Variants in RAF1 observed in about 807,000 individuals in gnomAD.
The protein encoded by RAF1 is Raf-1 proto-oncogene, serine/threonine kinase.
Under a neutral mutation model 81.1 loss-of-function variants are expected in RAF1, and 27 were observed. That is an observed-to-expected ratio of 0.33 (90% CI 0.25 to 0.46). RAF1 has a LOEUF of 0.46. Among genes scored for constraint, RAF1 ranks in the 20% least tolerant of loss-of-function variants. The pLI, the probability that RAF1 is intolerant of heterozygous loss-of-function variation, is 1.00. For synonymous variants in RAF1, 298 were observed against 294.0 expected, an observed-to-expected ratio of 1.01 and a Z score of -0.14; for missense variants, 598 against 826.0, an observed-to-expected ratio of 0.72 and a Z score of 3.38.
intron 1 of RAF1, among the ~76,000 whole-genome samples, chr3:12,650,787 G>A (rs548335917): frequency 6.6e-6 from 1 of 152,288 alleles, no homozygotes; most frequent in East Asian, 1.9e-4. Flanking sequence ...AGGAAGACAA[G>A]TAGGCCTACA....
chr3:12,611,563 G>A (rs973564945), intron 3 of RAF1, among the ~76,000 whole-genome samples: 23 of 152,122 alleles, frequency 1.5e-4, no homozygotes, highest in Non-Finnish European at 2.9e-4. Context: ...AGCCGGGCGC[G>A]GTGGTGGGCG....
chr3:12,632,711 C>A (rs1380591443), intron 1 of RAF1, among the ~76,000 whole-genome samples: 2 of 152,204 alleles, frequency 1.3e-5, no homozygotes, highest in African/African-American at 4.8e-5. Context: ...TCTTGAAACT[C>A]TCTAAAACTC....
At chr3:12,604,702 G>C (rs1336398470) in intron 6 of RAF1, among the ~76,000 whole-genome samples, 1 of 152,166 alleles carries the variant, frequency 6.6e-6, no homozygotes, top group Non-Finnish European at 1.5e-5. Context: ...CAGATAAGTA[G>C]ACGTGCTGAG....
At chr3:12,605,587 A>G (rs2059001736) in intron 6 of RAF1, among the ~76,000 whole-genome samples, 2 of 152,076 alleles carry the variant, frequency 1.3e-5, no homozygotes, top group Admixed American at 6.6e-5. Context: ...CTAAAGTAAG[A>G]TATTTTGGAT....
chr3:12,619,128 C>T (rs2059470655), intron 1 of RAF1, among the ~76,000 whole-genome samples: 1 of 152,070 alleles, frequency 6.6e-6, no homozygotes, highest in African/African-American at 2.4e-5. Context: ...GCCTGTAGTC[C>T]CAGCTACTCG....
At chr3:12,616,553 T>A (rs1209659945) in intron 2 of RAF1, among the ~76,000 whole-genome samples, 5 of 152,226 alleles carry the variant, frequency 3.3e-5, no homozygotes, top group African/African-American at 1.2e-4. Context: ...CAAACTTTAA[T>A]TAAAGTTAGA....
chr3:12,610,464 GTAGC>G (rs1352105445), intron 3 of RAF1, among the ~76,000 whole-genome samples: 2 of 152,198 alleles, frequency 1.3e-5, no homozygotes, highest in African/African-American at 4.8e-5. Context: ...AGACTCCAGA[GTAGC>G]TCCAAACCAG....
chr3:12,590,697 A>T (rs541785106), intron 13 of RAF1, 101 bp downstream of exon 12: 1 of 1,317,812 alleles, frequency 7.6e-7, no homozygotes. Context: ...AAGATATCAC[A>T]GAATCGCTTA....
chr3:12,597,769 G>A (rs563628564), intron 11 of RAF1, among the ~76,000 whole-genome samples: 6 of 151,850 alleles, frequency 4.0e-5, no homozygotes, highest in Admixed American at 3.3e-4. Flanking sequence ...ACAAAAATTA[G>A]CCGGGTGTGG....
intron 1 of RAF1, among the ~76,000 whole-genome samples, chr3:12,647,558 C>T: frequency 6.6e-6 from 1 of 152,070 alleles, no homozygotes; most frequent in Admixed American, 6.6e-5. Context: ...TGTGCCACTG[C>T]ATTCCAGCCT....
At chr3:12,628,600 A>G (rs1445541162) in intron 1 of RAF1, among the ~76,000 whole-genome samples, 1 of 152,066 alleles carries the variant, frequency 6.6e-6, no homozygotes, top group Non-Finnish European at 1.5e-5. Flanking sequence ...AAATCTCAGT[A>G]TATTATACTA....
At chr3:12,616,513 T>C (rs1405411976) in intron 2 of RAF1, among the ~76,000 whole-genome samples, 1 of 152,196 alleles carries the variant, frequency 6.6e-6, no homozygotes, top group Non-Finnish European at 1.5e-5. Flanking sequence ...AATTTTCATT[T>C]TTAGGAAGAG....
intron 13 of RAF1, 168 bp downstream of exon 12, chr3:12,590,630 C>A: frequency 1.3e-6 from 1 of 784,924 alleles, no homozygotes; most frequent in South Asian, 1.6e-5. Context: ...CCAGCTGGAA[C>A]CTGAACAACT....
At chr3:12,641,681 A>G (rs2060191936) in intron 1 of RAF1, among the ~76,000 whole-genome samples, 1 of 151,812 alleles carries the variant, frequency 6.6e-6, no homozygotes, top group Admixed American at 6.6e-5. Context: ...TCATAGAGAC[A>G]GGGTTTCACC....
At chr3:12,619,960 T>A (rs1402518713) in intron 1 of RAF1, among the ~76,000 whole-genome samples, 1 of 151,946 alleles carries the variant, frequency 6.6e-6, no homozygotes, top group Non-Finnish European at 1.5e-5. Context: ...CGGGCGCCTG[T>A]AGTCCCAGCT....
At chr3:12,598,097 C>A (rs11711270) in intron 11 of RAF1, among the ~76,000 whole-genome samples, 3 of 148,468 alleles carry the variant, frequency 2.0e-5, no homozygotes, top group East Asian at 4.0e-4. Context: ...GAGCTCACTA[C>A]AACATTCGCC....
intron 2 of RAF1, among the ~76,000 whole-genome samples, chr3:12,615,079 T>C (rs886300155): frequency 1.3e-5 from 2 of 152,202 alleles, no homozygotes; most frequent in African/African-American, 4.8e-5. Flanking sequence ...AAAATATAGA[T>C]TCCATCTACC....
At chr3:12,620,531 C>T (rs2059525079) in intron 1 of RAF1, among the ~76,000 whole-genome samples, 1 of 152,164 alleles carries the variant, frequency 6.6e-6, no homozygotes, top group Non-Finnish European at 1.5e-5. Context: ...GGTGCAGTGA[C>T]ATGATCACAG....
intron 1 of RAF1, among the ~76,000 whole-genome samples, chr3:12,649,233 T>A (rs748900320): frequency 2.6e-5 from 4 of 152,316 alleles, no homozygotes; most frequent in Middle Eastern, 6.8e-3. Flanking sequence ...ACTGATAATA[T>A]CATTTGTTCT....
Sources: allele counts gnomAD v4.1 joint callset (sites outside exome capture counted in the v4.1 genomes callset), GRCh38; gene constraint gnomAD v4.1.1; transcripts MANE v1.5; gene names NCBI Gene and HGNC (gene_info 2026-07-23, HGNC 2026-07-21).